The following SLITRK2 variants were observed in gnomAD, a reference collection of about 807,000 sequenced individuals.
SLITRK2 encodes the protein SLIT and NTRK like family member 2, also known as SLIT and NTRK-like protein 2.
Under a neutral mutation model 35.4 loss-of-function variants are expected in SLITRK2, and 13 were observed. The ratio of observed to expected loss-of-function variants is 0.37; its 90% CI spans 0.24 to 0.58. SLITRK2 has a LOEUF of 0.58. Among genes scored for constraint, SLITRK2 ranks in the 20% least tolerant of loss-of-function variants. The probability of loss-of-function intolerance (pLI) is 0.75; values close to 1 mark genes in which losing one functional copy is unlikely to be tolerated. For synonymous variants in SLITRK2, 294 were observed against 264.7 expected (o/e 1.11, Z -1.07); for missense variants, 471 against 634.3 (o/e 0.74, Z 2.76).
At position 145,827,378 on chromosome X, in the gene SLITRK2, C is replaced by A; in HGVS notation, c.*2415C>A. 1.2e-5 allele frequency: 2 copies of A among 164,257 alleles called. No homozygotes were observed. The highest frequency in any genetic ancestry group is 2.1e-4 in the South Asian group (1 of 4,874). 13.5% of individuals were successfully genotyped at this position (164,257 alleles called of 1,213,427 possible). On this transcript the variant is annotated 3_prime_UTR_variant, in exon 5 of 5. Coordinates refer to ENST00000335565, the MANE Select transcript of SLITRK2 (RefSeq NM_032539.5). The stretch of plus-strand genomic sequence containing the variant: ...ATATTCTGTTAAGATCATTTTCAGG[C>A]TTAAATTATATGACTAGAGGCTCTT...
Position 145,825,153 on chromosome X carries a change from T to A in SLITRK2, c.*190T>A. ...AGTTTTCCTTTAAATTATTTCTCTC[T>A]CGCTCTCCTCCCCTCCTTTTTTTTT... On this transcript the variant is annotated 3_prime_UTR_variant, in exon 5 of 5. Coordinates refer to ENST00000335565, the MANE Select transcript of SLITRK2 (RefSeq NM_032539.5). The A allele has an allele frequency of 6.1e-6, 2 of 326,111 alleles. No individual in the cohort carries two copies. The highest frequency in any genetic ancestry group is 1.0e-5 in the Non-Finnish European group (2 of 193,437). The allele number at this position is 326,111 out of a possible 1,213,427, so 26.9% of individuals were successfully genotyped here. A position where few individuals can be genotyped will look rare whatever the true frequency, so the allele number is the denominator to read the frequency against.
chrX:145,827,698 T>A lies in SLITRK2; in HGVS notation c.*2735T>A. On this transcript the variant is annotated 3_prime_UTR_variant, in exon 5 of 5. Coordinates refer to ENST00000335565, the MANE Select transcript of SLITRK2 (RefSeq NM_032539.5). ...TTTGAATGTATTCCAGACTATTTTA[T>A]TTAAAATCATCATACATCATATACT... The A allele has an allele frequency of 8.8e-7, 1 of 1,136,824 alleles. No individual in the cohort carries two copies. Among genetic ancestry groups the A allele is most frequent in the Admixed American group, 2.7e-5 (1 of 36,854 alleles). 93.7% of individuals were successfully genotyped at this position (1,136,824 alleles called of 1,213,427 possible). A position where few individuals can be genotyped will look rare whatever the true frequency, so the allele number is the denominator to read the frequency against.
intron 1 of SLITRK2, chrX:145,819,226 C>T (rs1489534766): frequency 4.5e-5 from 5 of 112,086 alleles, no homozygotes. Flanking sequence ...ATTACTGTAT[C>T]TGAGAACCGA....
rs1293132328 is a variant in SLITRK2 at position 145,825,940 on chromosome X, G to A, written c.*977G>A. On this transcript the variant is annotated 3_prime_UTR_variant, in exon 5 of 5. Transcript: ENST00000335565. ...ATTATTTTCCTAATTAAAAGAACGT[G>A]ACACAGCTAGTAATATATTTTTCTG... is the stretch of plus-strand genomic sequence containing the variant. 8.5e-6 allele frequency: 1 copy of A among 117,286 alleles called. No individual in the cohort carries two copies. Among genetic ancestry groups the A allele is most frequent in the Non-Finnish European group, 1.9e-5 (1 of 53,160 alleles). The allele number at this position is 117,286 out of a possible 1,213,427, so 9.7% of individuals were successfully genotyped here. A position where few individuals can be genotyped will look rare whatever the true frequency, so the allele number is the denominator to read the frequency against.
Position 145,822,288 on chromosome X carries a change from C to T in SLITRK2, c.-43-95C>T. The T allele has an allele frequency of 6.2e-6, 3 of 487,709 alleles. No homozygotes were observed. In the East Asian group the frequency reaches 1.1e-4, roughly 17 times the overall value. 40.2% of individuals were successfully genotyped at this position (487,709 alleles called of 1,213,427 possible). A position where few individuals can be genotyped will look rare whatever the true frequency, so the allele number is the denominator to read the frequency against. On this transcript the variant is annotated intron_variant, in intron 4 of 4. Transcript: ENST00000335565. Reference sequence around the variant, plus strand: ...TGTTGCTAACCCCCTCATTCTCCCTCGCTCCCACTCCGCCTCCTTGCTTTA... The same window carrying T: ...TGTTGCTAACCCCCTCATTCTCCCTTGCTCCCACTCCGCCTCCTTGCTTTA...
At position 145,828,076 on chromosome X, in the gene SLITRK2, CTGTGGCTAAGTTTT is replaced by C. The variant is rs2073142869; in HGVS notation, c.*3115_*3128del. 2 of 988,595 alleles carry C rather than the reference CTGTGGCTAAGTTTT, an allele frequency of 2.0e-6. No homozygotes were observed. Among genetic ancestry groups the C allele is most frequent in the South Asian group, 5.2e-5 (2 of 38,479 alleles). The allele number at this position is 988,595 out of a possible 1,213,427, so 81.5% of individuals were successfully genotyped here. ...TTGCTTTCACTATTTCCGAATATAC[CTGTGGCTAAGTTTT>C]TATTGAAACACTCAAAAATACCACT... On this transcript the variant is annotated 3_prime_UTR_variant, in exon 5 of 5. Coordinates refer to ENST00000335565, the MANE Select transcript of SLITRK2 (RefSeq NM_032539.5).
rs2124220270 is a variant in SLITRK2 at position 145,825,163 on chromosome X, C to T, written c.*200C>T. The T allele has an allele frequency of 3.2e-6, 1 of 315,732 alleles. No individual in the cohort carries two copies. Among genetic ancestry groups the T allele is most frequent in the East Asian group, 5.1e-5 (1 of 19,632 alleles). 26.0% of individuals were successfully genotyped at this position (315,732 alleles called of 1,213,427 possible). A position where few individuals can be genotyped will look rare whatever the true frequency, so the allele number is the denominator to read the frequency against. On this transcript the variant is annotated 3_prime_UTR_variant, in exon 5 of 5. Coordinates refer to ENST00000335565, the MANE Select transcript of SLITRK2 (RefSeq NM_032539.5). ...TAAATTATTTCTCTCTCGCTCTCCT[C>T]CCCTCCTTTTTTTTTTTTTTTTTTT...
At position 145,825,908 on chromosome X, in the gene SLITRK2, G is replaced by A. The variant is rs1275619328; in HGVS notation, c.*945G>A. 1 of 120,240 alleles carries A rather than the reference G, an allele frequency of 8.3e-6. No homozygotes were observed. The highest frequency in any genetic ancestry group is 1.9e-5 in the Non-Finnish European group (1 of 53,183). The allele number at this position is 120,240 out of a possible 1,213,427, so 9.9% of individuals were successfully genotyped here. On this transcript the variant is annotated 3_prime_UTR_variant, in exon 5 of 5. Coordinates refer to ENST00000335565, the MANE Select transcript of SLITRK2 (RefSeq NM_032539.5). ...ATTATTTTACACTAACATGGTGAGT[G>A]TTTTAGATTATTTTCCTAATTAAAA...
chrX:145,827,908 C>CT lies in SLITRK2; in HGVS notation c.*2948dup. 8.3e-7 allele frequency: 1 copy of CT among 1,211,462 alleles called. No individual in the cohort carries two copies. Among genetic ancestry groups the CT allele is most frequent in the Non-Finnish European group, 1.1e-6 (1 of 895,332 alleles). Reference sequence around the variant, plus strand: ...TATTTCACTTTTATTTCACATGCAGCTTTAAGACGTATGAGCATCAGCACA... The same window carrying CT: ...TATTTCACTTTTATTTCACATGCAGCTTTTAAGACGTATGAGCATCAGCACA... On this transcript the variant is annotated 3_prime_UTR_variant, in exon 5 of 5. Coordinates refer to ENST00000335565, the MANE Select transcript of SLITRK2 (RefSeq NM_032539.5).
chrX:145,822,868 C>T lies in SLITRK2; in HGVS notation c.443C>T (p.Ala148Val), dbSNP rs2124158633. The change falls in exon 5 of 5, where the codon GCC becomes GTC. Residue 148 changes from alanine (A) to valine (V), a missense_variant. Ala to Val is a moderately conservative substitution (Grantham distance 64). Around this residue, in one of 7 missense-constraint regions of SLITRK2, gnomAD observed 98 missense variants for 120.6 expected, o/e 0.81. Coordinates refer to ENST00000335565, the MANE Select transcript of SLITRK2 (RefSeq NM_032539.5). ...YLQADYNYIS[A>V]IEAGAFSKLN... is the part of the protein sequence containing the mutation. ...CAGGCCGACTACAATTACATCAGTG[C>T]CATCGAGGCTGGGGCATTCAGCAAA... The T allele has an allele frequency of 8.3e-7, 1 of 1,210,897 alleles. No homozygotes were observed.
Position 145,822,373 on chromosome X carries a change from C to T in SLITRK2, c.-43-10C>T, listed in dbSNP as rs2124144575. Reference sequence around the variant, plus strand: ...CCTGCACCCGCTTCTTCCCCCTGCCCCCACCTAAGGTTTGCCTGTAGGTAC... The same window carrying T: ...CCTGCACCCGCTTCTTCCCCCTGCCTCCACCTAAGGTTTGCCTGTAGGTAC... On this transcript the variant is annotated splice_polypyrimidine_tract_variant and intron_variant, in intron 4 of 4. Coordinates refer to ENST00000335565, the MANE Select transcript of SLITRK2 (RefSeq NM_032539.5). 9.1e-7 allele frequency: 1 copy of T among 1,094,332 alleles called. No homozygotes were observed. Among genetic ancestry groups the T allele is most frequent in the Non-Finnish European group, 1.2e-6 (1 of 812,919 alleles). The allele number at this position is 1,094,332 out of a possible 1,213,427, so 90.2% of individuals were successfully genotyped here.
chrX:145,822,123 G>C lies in SLITRK2; in HGVS notation c.-74G>C. On this transcript the variant is annotated 5_prime_UTR_variant, in exon 4 of 5. Coordinates refer to ENST00000335565, the MANE Select transcript of SLITRK2 (RefSeq NM_032539.5). ...AGGACAACTCGGTTACTAATGACTT[G>C]GCGGCTGGCTGCGACCCCCCGGGAA... 1 of 288,062 alleles carries C rather than the reference G, an allele frequency of 3.5e-6. No individual in the cohort carries two copies. The highest frequency in any genetic ancestry group is 8.5e-5 in the South Asian group (1 of 11,745). 23.7% of individuals were successfully genotyped at this position (288,062 alleles called of 1,213,427 possible).
chrX:145,823,334 G>A lies in SLITRK2; in HGVS notation c.909G>A (p.Arg303=), dbSNP rs1556944279. The part of the protein sequence containing the change: ...LNPTRAPKAS[R]PPKMRNRPTP... Reference sequence around the variant, plus strand: ...CAACCAGGGCTCCGAAAGCCAGCCGGCCGCCCAAAATGAGAAATCGTCCAA... The same window carrying A: ...CAACCAGGGCTCCGAAAGCCAGCCGACCGCCCAAAATGAGAAATCGTCCAA... Residue 303 remains arginine, a synonymous_variant, in exon 5 of 5, where the codon CGG becomes CGA. Transcript: ENST00000335565. 1 of 1,211,177 alleles carries A rather than the reference G, an allele frequency of 8.3e-7. No homozygotes were observed. Among genetic ancestry groups the A allele is most frequent in the South Asian group, 1.8e-5 (1 of 56,955 alleles).
rs782553970 is a variant in SLITRK2, at chrX:145,822,603, C to T, written c.178C>T (p.Pro60Ser). 8.3e-7 allele frequency: 1 copy of T among 1,211,575 alleles called. No homozygotes were observed. The change falls in exon 5 of 5, where the codon CCC (proline) becomes TCC (serine). Residue 60 changes from proline to serine, a missense_variant. Around this residue, in one of 7 missense-constraint regions of SLITRK2, gnomAD observed 98 missense variants for 120.6 expected, o/e 0.81. Transcript: ENST00000335565. The stretch of plus-strand genomic sequence containing the variant: ...TACAACAGTTAGCCTGCTCCAGCCC[C>T]CCCAGTATCGAATCTATCAGCTTTT... ...GFTTVSLLQP[P>S]QYRIYQLFLN...
Position 145,827,785 on chromosome X carries a change from C to A in SLITRK2, c.*2822C>A. On this transcript the variant is annotated 3_prime_UTR_variant, in exon 5 of 5. Coordinates refer to ENST00000335565, the MANE Select transcript of SLITRK2 (RefSeq NM_032539.5). ...TAAGTTTTATTAACTCACTAGCATC[C>A]CCACTGACTATATTCTGTTTTGCTT... 8.3e-7 allele frequency: 1 copy of A among 1,211,131 alleles called. No individual in the cohort carries two copies. Among genetic ancestry groups the A allele is most frequent in the Non-Finnish European group, 1.1e-6 (1 of 895,092 alleles).
rs141038355 is a variant in SLITRK2, at chrX:145,829,321, T to C, written c.*4358T>C. On this transcript the variant is annotated 3_prime_UTR_variant, in exon 5 of 5. Coordinates refer to ENST00000335565, the MANE Select transcript of SLITRK2 (RefSeq NM_032539.5). ...AAATAACCATTCTCTGATTTATCTC[T>C]TTTGTATGTTTGGATTTTCAATATC... 3,001 of 123,677 alleles carry C rather than the reference T, an allele frequency of 0.024. 33 individuals are homozygous for C. The highest frequency in any genetic ancestry group is 0.031 in the Non-Finnish European group (1,662 of 53,362). The allele number at this position is 123,677 out of a possible 1,213,427, so 10.2% of individuals were successfully genotyped here.
rs2072913736 is a variant in SLITRK2, at chrX:145,817,976, G to C, written c.-843G>C. On this transcript the variant is annotated 5_prime_UTR_variant, in exon 1 of 5. Coordinates refer to ENST00000335565, the MANE Select transcript of SLITRK2 (RefSeq NM_032539.5). ...GCCGGCTCCTTTGCCTCCCCGAGTCGCAGATGCTGCGGGCGCCTCCGGGAA... is the reference window on the plus strand; with the variant it reads ...GCCGGCTCCTTTGCCTCCCCGAGTCCCAGATGCTGCGGGCGCCTCCGGGAA... 1 of 109,887 alleles carries C rather than the reference G, an allele frequency of 9.1e-6. No homozygotes were observed. Among genetic ancestry groups the C allele is most frequent in the Non-Finnish European group, 1.9e-5 (1 of 52,550 alleles). 9.1% of individuals were successfully genotyped at this position (109,887 alleles called of 1,213,427 possible).
At chrX:145,819,693 T>C (rs1472430514) in intron 1 of SLITRK2, 3 of 112,120 alleles carry the variant, frequency 2.7e-5, no homozygotes, top group Non-Finnish European at 1.9e-5. Flanking sequence ...TTCCATCTAA[T>C]GATGCAATTG....
rs2073026181 is a variant in SLITRK2 at position 145,821,901 on chromosome X, T to C, written c.-193+17T>C. The C allele has an allele frequency of 8.9e-6, 1 of 111,862 alleles. No individual in the cohort carries two copies. The highest frequency in any genetic ancestry group is 3.3e-5 in the African/African-American group (1 of 30,050). 9.2% of individuals were successfully genotyped at this position (111,862 alleles called of 1,213,427 possible). A position where few individuals can be genotyped will look rare whatever the true frequency, so the allele number is the denominator to read the frequency against. On this transcript the variant is annotated intron_variant, in intron 3 of 4. Coordinates refer to ENST00000335565, the MANE Select transcript of SLITRK2 (RefSeq NM_032539.5). Reference sequence around the variant, plus strand: ...TCCTGATGTGTGAGTAACCCCCACCTCGCACTGTCTTTCCCATCTCTATCT... The same window carrying C: ...TCCTGATGTGTGAGTAACCCCCACCCCGCACTGTCTTTCCCATCTCTATCT...
Sources: gnomAD v4.1 joint callset for allele counts on GRCh38, gnomAD v4.1.1 for gene constraint, gnomAD v4.1.1 regional missense constraint, MANE v1.5 for transcripts, NCBI Gene and HGNC (gene_info 2026-07-23, HGNC 2026-07-21) for gene names.